The following SPTAN1 variants were observed in gnomAD, a reference collection of about 807,000 sequenced individuals.
SPTAN1 encodes the protein spectrin alpha, non-erythrocytic 1.
In SPTAN1, 61 loss-of-function variants were observed where a neutral mutation model predicts 331.3. The ratio of observed to expected loss-of-function variants is 0.18; its 90% CI spans 0.15 to 0.23. SPTAN1 has a LOEUF of 0.23. Ranked by LOEUF, SPTAN1 falls within the 10% of genes least tolerant of loss-of-function variation. The pLI, the probability that SPTAN1 is intolerant of heterozygous loss-of-function variation, is 1.00. For missense variants in SPTAN1, 2,043 were observed against 3,147.9 expected (o/e 0.65, Z 8.40); for synonymous variants, 1,153 against 1,173.9 (o/e 0.98, Z 0.36).
chr9:128,626,267 GCTAAGCTCC>G, intron 48 of SPTAN1, 115 bp from the exon 49 acceptor site: 1 of 1,247,552 alleles, frequency 8.0e-7, no homozygotes, highest in Non-Finnish European at 1.2e-6. Flanking sequence ...GCAGAGGGGA[GCTAAGCTCC>G]CAGCAGGCTG....
chr9:128,598,667 T>G (rs2131442166), intron 25 of SPTAN1, 163 bp downstream of exon 25: 2 of 722,138 alleles, frequency 2.8e-6, no homozygotes, highest in Admixed American at 2.0e-5. Flanking sequence ...ATTAACTTCT[T>G]TATACCCATA....
chr9:128,631,932 A>G, intron 52 of SPTAN1, 195 bp from the exon 53 acceptor site: 1 of 618,412 alleles, frequency 1.6e-6, no homozygotes, highest in Non-Finnish European at 2.8e-6. Context: ...CTCACATTGA[A>G]AGTCTCTCCC....
rs1372707395 is a variant in SPTAN1, at chr9:128,566,840, A to G, written c.100A>G (p.Thr34Ala). The G allele has an allele frequency of 1.9e-6, 3 of 1,614,064 alleles. No individual in the cohort carries two copies. The highest frequency in any genetic ancestry group is 2.7e-5 in the African/African-American group (2 of 74,922). ...ATACCACCGCTTCAAGGAACTCTCA[A>G]CCCTTAGGCGTCAGAAGCTGGAAGA... Reference protein sequence around the residue: ...DRYHRFKELSTLRRQKLEDSY... With the variant: ...DRYHRFKELSALRRQKLEDSY... The change falls in exon 2 of 57, where the codon ACC becomes GCC. Residue 34 changes from threonine (T) to alanine (A), a missense_variant. Around this residue, in one of 12 missense-constraint regions of SPTAN1, gnomAD observed 1,038 missense variants for 1,531.5 expected, o/e 0.68. Transcript: ENST00000372739.
chr9:128,623,095 G>A lies in SPTAN1; in HGVS notation c.5833-1233G>A, dbSNP rs570363044. 5.3e-5 allele frequency among the ~76,000 whole-genome samples: 8 copies of A among 151,968 alleles called. No individual in the cohort carries two copies. In the East Asian group the frequency reaches 9.6e-4, roughly 18 times the overall value. Reference sequence around the variant, plus strand: ...TTTGAGATGGAGTCTTGCTCTTGTCGCCCAGGCTGGAGTGTAGTGGCACGA... The same window carrying A: ...TTTGAGATGGAGTCTTGCTCTTGTCACCCAGGCTGGAGTGTAGTGGCACGA... On this transcript the variant is annotated intron_variant, in intron 45 of 56. Transcript: ENST00000372739.
intron 10 of SPTAN1, 48 bp downstream of exon 10, chr9:128,579,786 C>T: frequency 7.0e-7 from 1 of 1,423,848 alleles, no homozygotes. Context: ...ACACCTTTCA[C>T]TAAGTCTCTG....
In SPTAN1 at chr9:128,577,462, C is replaced by T. The variant is rs759853722; in HGVS notation, c.1041C>T (p.Arg347=). 3 of 1,614,186 alleles carry T rather than the reference C, an allele frequency of 1.9e-6. No individual in the cohort carries two copies. The South Asian group carries it at 3.3e-5, about 18-fold the overall frequency. The stretch of plus-strand genomic sequence containing the variant: ...TGATTACAAACTGGGAGCAGATCCG[C>T]ACCTTGGCGGCAGAGAGACATGCAC... ...EELITNWEQI[R]TLAAERHARL... is the part of the protein sequence containing the mutation. The change falls in exon 8 of 57, where the codon CGC becomes CGT. Residue 347 remains arginine, a synonymous_variant. Transcript: ENST00000372739. The surrounding 1 kb of genome is among the most constrained non-coding windows in gnomAD (Gnocchi z 4.2).
intron 1 of SPTAN1, chr9:128,555,408 CG>C: frequency 7.8e-7 from 1 of 1,289,220 alleles, no homozygotes; most frequent in Non-Finnish European, 1.0e-6. Flanking sequence ...AGGTATTTGA[CG>C]AGCATGCAGA....
intron 31 of SPTAN1, among the ~76,000 whole-genome samples, chr9:128,606,368 C>T (rs1421702833): frequency 1.6e-3 from 4 of 2,558 alleles, no homozygotes; most frequent in Admixed American, 0.021. Context: ...GAGCAAGACT[C>T]TGCCTCAAAA....
In SPTAN1 at chr9:128,570,921, A is replaced by G. The variant is rs567343417; in HGVS notation, c.363+2024A>G. Among the ~76,000 whole-genome samples the G allele has an allele frequency of 3.2e-4, 49 of 152,042 alleles. No individual in the cohort carries two copies. In the East Asian group the frequency reaches 8.1e-3, roughly 25 times the overall value. On this transcript the variant is annotated intron_variant, in intron 3 of 56. Transcript: ENST00000372739. ...GGTGATCTGCCCGCCTTGGCCTCCCAAAGTGCTGCGATTACAGGCATGAGC... is the reference window on the plus strand; with the variant it reads ...GGTGATCTGCCCGCCTTGGCCTCCCGAAGTGCTGCGATTACAGGCATGAGC...
rs986733206 is a variant in SPTAN1 at position 128,629,967 on chromosome 9, C to T, written c.6708-354C>T. 2.5e-6 allele frequency: 1 copy of T among 392,444 alleles called. No individual in the cohort carries two copies. The allele number at this position is 392,444 out of a possible 1,614,324, so 24.3% of individuals were successfully genotyped here. On this transcript the variant is annotated intron_variant, in intron 51 of 56. Coordinates refer to ENST00000372739, the MANE Select transcript of SPTAN1 (RefSeq NM_001130438.3). The surrounding 1 kb of genome is among the most constrained non-coding windows in gnomAD (Gnocchi z 4.9). ...CCTGTCTGTCAGGTGTCAGGGTGTG[C>T]CATCCCCCACATGGCTGCAGAGAGG...
In SPTAN1 at chr9:128,578,177, A is replaced by G. The variant is rs1382887627; in HGVS notation, c.1153A>G (p.Asn385Asp). 2.5e-6 allele frequency: 4 copies of G among 1,614,088 alleles called. No individual in the cohort carries two copies. The highest frequency in any genetic ancestry group is 1.3e-5 in the African/African-American group (1 of 75,026). Reference protein sequence around the residue: ...SWVTEMKALINADELASDVAG... With the variant: ...SWVTEMKALIDADELASDVAG... ...GGTGACTGAGATGAAAGCCCTCATC[A>G]ATGCAGATGAGCTTGCCAGTGATGT... Residue 385 changes from asparagine (N) to aspartate (D), a missense_variant, in exon 9 of 57, where the codon AAT (asparagine) becomes GAT (aspartate). Around this residue, in one of 12 missense-constraint regions of SPTAN1, gnomAD observed 1,038 missense variants for 1,531.5 expected, o/e 0.68. Coordinates refer to ENST00000372739, the MANE Select transcript of SPTAN1 (RefSeq NM_001130438.3).
intron 55 of SPTAN1, 25 bp from the exon 56 acceptor site, chr9:128,632,783 A>G: frequency 6.2e-7 from 1 of 1,614,006 alleles, no homozygotes; most frequent in Non-Finnish European, 8.5e-7. Flanking sequence ...CTCCCTGCTC[A>G]GGCTCTTGCT....
In SPTAN1 at chr9:128,619,005, T is replaced by C; in HGVS notation, c.5733+2T>C. 6.2e-7 allele frequency: 1 copy of C among 1,613,608 alleles called. No homozygotes were observed. The highest frequency in any genetic ancestry group is 8.5e-7 in the Non-Finnish European group (1 of 1,179,850). ...GGCGACACTCTTGCCGCCATCCAGG[T>C]GAGACAGAAACCAAAGGTGTCACCT... On this transcript the variant is annotated splice_donor_variant, in intron 44 of 56. Transcript: ENST00000372739. LOFTEE classifies it high-confidence loss of function.
intron 1 of SPTAN1, chr9:128,555,413 A>G (rs957203156): frequency 1.6e-6 from 2 of 1,289,370 alleles, no homozygotes; most frequent in African/African-American, 3.0e-5. Context: ...TTTGACGAGC[A>G]TGCAGAAAAC....
intron 24 of SPTAN1, among the ~76,000 whole-genome samples, chr9:128,594,823 T>C (rs1268075969): frequency 1.5e-4 from 15 of 103,396 alleles, no homozygotes; most frequent in Non-Finnish European, 2.1e-4. Flanking sequence ...TTTTTTTTTT[T>C]CAATTTTTTT....
intron 37 of SPTAN1, 66 bp from the exon 38 acceptor site, chr9:128,611,648 C>A: frequency 6.3e-7 from 1 of 1,597,960 alleles, no homozygotes; most frequent in Non-Finnish European, 8.5e-7. Flanking sequence ...TCTGAGAACC[C>A]CTTCCCCCTG....
At position 128,612,387 on chromosome 9, in the gene SPTAN1, G is replaced by A. The variant is rs970748048; in HGVS notation, c.5043+141G>A. 6.3e-6 allele frequency: 7 copies of A among 1,102,844 alleles called. No individual in the cohort carries two copies. The African/African-American group carries it at 1.1e-4, about 17-fold the overall frequency. The allele number at this position is 1,102,844 out of a possible 1,614,324, so 68.3% of individuals were successfully genotyped here. A position where few individuals can be genotyped will look rare whatever the true frequency, so the allele number is the denominator to read the frequency against. On this transcript the variant is annotated intron_variant, in intron 39 of 56. Transcript: ENST00000372739. The stretch of plus-strand genomic sequence containing the variant: ...CAGAAACCCTTATTATATATGAGTT[G>A]CATGCTGTAAGGGATTTATGAGCAA...
intron 37 of SPTAN1, 39 bp downstream of exon 37, chr9:128,609,704 G>A: frequency 1.4e-6 from 2 of 1,409,626 alleles, no homozygotes; most frequent in African/African-American, 1.5e-5. Context: ...AGTTAAATGA[G>A]CTCCAGTATT....
intron 27 of SPTAN1, among the ~76,000 whole-genome samples, chr9:128,603,035 C>T (rs1855378169): frequency 6.6e-6 from 1 of 151,928 alleles, no homozygotes; most frequent in South Asian, 2.1e-4. Context: ...TAATTCACTG[C>T]TTTATTTTTT....
Sources: gnomAD v4.1 joint callset for allele counts (sites outside exome capture counted in the v4.1 genomes callset) on GRCh38, gnomAD v4.1.1 for gene constraint, gnomAD v4.1.1 regional missense constraint, Gnocchi (gnomAD v3.1) non-coding constraint, MANE v1.5 for transcripts, NCBI Gene and HGNC (gene_info 2026-07-23, HGNC 2026-07-21) for gene names.